MBNL3: variants seen among roughly 807,000 people sequenced by gnomAD.
MBNL3 encodes muscleblind-like protein 3.
In MBNL3, 6 loss-of-function variants were observed where a neutral mutation model predicts 24.5. The ratio of observed to expected loss-of-function variants is 0.25; its 90% confidence interval spans 0.13 to 0.48. MBNL3 has a LOEUF of 0.48. MBNL3 is among the 20% of genes least tolerant of loss of function. The probability of loss-of-function intolerance (pLI) is 0.99; values close to 1 mark genes in which losing one functional copy is unlikely to be tolerated. For synonymous variants in MBNL3, 100 were observed against 101.7 expected (o/e 0.98, Z 0.10); for missense variants, 230 against 293.5 (o/e 0.78, Z 1.58).
intron 3 of MBNL3, among the ~76,000 whole-genome samples, chrX:132,393,794 C>T (rs1408475837): frequency 9.0e-6 from 1 of 110,955 alleles, no homozygotes; most frequent in African/African-American, 3.3e-5. Flanking sequence ...CTTGAAAAAA[C>T]CCCCGAATCT....
At chrX:132,439,335 T>C in intron 2 of MBNL3, 100 bp downstream of exon 2, 1 of 946,674 alleles carries the variant, frequency 1.1e-6, no homozygotes, top group Non-Finnish European at 1.4e-6. Context: ...AATTTATCAC[T>C]TTCATGCTAT....
rs1934126221 is a variant in MBNL3, at chrX:132,376,180, T to TC, written c.*3485_*3486insG. On this transcript the variant is annotated 3_prime_UTR_variant, in exon 9 of 9. Transcript: ENST00000370853. Reference sequence around the variant, plus strand: ...GTGCTTCAGCATGTTCAAAAACGGATGAAAAAAATTGATGGAGTAGAGAGA... The same window carrying TC: ...GTGCTTCAGCATGTTCAAAAACGGATCGAAAAAAATTGATGGAGTAGAGAGA... 9.0e-6 allele frequency: 1 copy of TC among 110,625 alleles called. No homozygotes were observed. The highest frequency in any genetic ancestry group is 9.6e-5 in the Admixed American group (1 of 10,393). The allele number at this position is 110,625 out of a possible 1,213,427, so 9.1% of individuals were successfully genotyped here.
chrX:132,413,078 A>G (rs1335695995), intron 2 of MBNL3, among the ~76,000 whole-genome samples: 1 of 112,561 alleles, frequency 8.9e-6, no homozygotes, highest in African/African-American at 3.2e-5. Flanking sequence ...AGCTCCTTCT[A>G]CATGGACTTC....
chrX:132,398,404 G>A lies in MBNL3; in HGVS notation c.343-6070C>T, dbSNP rs147997146. Among the ~76,000 whole-genome samples the A allele has an allele frequency of 2.5e-4, 28 of 111,388 alleles. No homozygotes were observed. The East Asian group carries it at 7.7e-3, about 30-fold the overall frequency. On this transcript the variant is annotated intron_variant, in intron 3 of 8. Coordinates refer to ENST00000370853, the MANE Select transcript of MBNL3 (RefSeq NM_001386889.1). ...CAGGAATTGACCTAAAAATTTGTTG[G>A]TGACCACCGTGTAATAATAATGGCA...
intron 1 of MBNL3, among the ~76,000 whole-genome samples, chrX:132,447,088 G>A (rs1945766304): frequency 9.0e-6 from 1 of 111,213 alleles, no homozygotes; most frequent in Non-Finnish European, 1.9e-5. Flanking sequence ...TGAGGCCTCT[G>A]TTCTGTTCTG....
At chrX:132,413,704 C>T in intron 2 of MBNL3, 1 of 807,427 alleles carries the variant, frequency 1.2e-6, no homozygotes, top group East Asian at 3.6e-5. Flanking sequence ...CACCTTCCCA[C>T]CCACCGGTGG....
intron 2 of MBNL3, among the ~76,000 whole-genome samples, chrX:132,424,888 G>A (rs746637167): frequency 8.2e-5 from 9 of 109,402 alleles, no homozygotes; most frequent in Non-Finnish European, 1.3e-4. Context: ...GGAGAAATAA[G>A]TGAAACATAT....
intron 2 of MBNL3, among the ~76,000 whole-genome samples, chrX:132,438,400 C>T (rs761317373): frequency 9.9e-5 from 11 of 110,896 alleles, no homozygotes; most frequent in Non-Finnish European, 1.5e-4. Flanking sequence ...AACCATCACA[C>T]GAAGGGATAC....
chrX:132,433,161 G>A (rs1410240663), intron 2 of MBNL3, among the ~76,000 whole-genome samples: 1 of 111,791 alleles, frequency 8.9e-6, no homozygotes, highest in Non-Finnish European at 1.9e-5. Context: ...TAGTCTCAAG[G>A]TCTGAGGTGC....
chrX:132,434,755 G>A (rs1945021149), intron 2 of MBNL3, among the ~76,000 whole-genome samples: 3 of 111,807 alleles, frequency 2.7e-5, no homozygotes, highest in Admixed American at 9.5e-5. Flanking sequence ...GGAAAGACTG[G>A]GAAAGTGTCA....
intron 2 of MBNL3, among the ~76,000 whole-genome samples, chrX:132,410,151 C>A (rs969613538): frequency 4.5e-5 from 5 of 111,824 alleles, no homozygotes; most frequent in Non-Finnish European, 9.4e-5. Context: ...ATAAAGCCTC[C>A]CAAATTCAAT....
chrX:132,450,411 G>T (rs1427003915), intron 1 of MBNL3, among the ~76,000 whole-genome samples: 2 of 111,127 alleles, frequency 1.8e-5, no homozygotes, highest in East Asian at 2.8e-4. Context: ...ATTTCATTAA[G>T]TTGATCTTCA....
intron 8 of MBNL3, among the ~76,000 whole-genome samples, chrX:132,380,376 A>G (rs1311871194): frequency 8.9e-6 from 1 of 112,128 alleles, no homozygotes; most frequent in Non-Finnish European, 1.9e-5. Flanking sequence ...AGTTGCCACT[A>G]TCCCAAATGA....
In MBNL3 at chrX:132,386,685, G is replaced by A. The variant is rs752205588; in HGVS notation, c.898C>T (p.Pro300Ser). The A allele has an allele frequency of 4.1e-6, 5 of 1,208,691 alleles. No homozygotes were observed. Among genetic ancestry groups the A allele is most frequent in the Non-Finnish European group, 5.6e-6 (5 of 895,167 alleles). ...CCTGCAGGGATAAATGCCGGCTGTGGGAGCTGCAGGTTAGTCAGAGCCTGT... is the reference window on the plus strand; with the variant it reads ...CCTGCAGGGATAAATGCCGGCTGTGAGAGCTGCAGGTTAGTCAGAGCCTGT... Reference protein sequence around the residue: ...CQQALTNLQLPQPAFIPAGPI... With the variant: ...CQQALTNLQLSQPAFIPAGPI... The change falls in exon 6 of 9, where the codon CCA becomes TCA. Residue 300 changes from proline (P) to serine (S), a missense_variant. Transcript: ENST00000370853.
chrX:132,413,403 C>T (rs1428438122), intron 2 of MBNL3: 2 of 878,286 alleles, frequency 2.3e-6, no homozygotes, highest in Non-Finnish European at 3.2e-6. Context: ...ATCTGGCAGC[C>T]CTCTCCCGCT....
chrX:132,393,112 T>G (rs1409137702), intron 3 of MBNL3, among the ~76,000 whole-genome samples: 1 of 110,973 alleles, frequency 9.0e-6, no homozygotes, highest in African/African-American at 3.3e-5. Context: ...CCTCAAGCAT[T>G]TATCATTCCT....
At chrX:132,484,872 G>T (rs111863992) in intron 1 of MBNL3, among the ~76,000 whole-genome samples, 211 of 110,636 alleles carry the variant, frequency 1.9e-3, no homozygotes, top group South Asian at 7.4e-3. Context: ...ATGTCAAACT[G>T]AGTCCTATGC....
chrX:132,456,923 T>C (rs1476069056), intron 1 of MBNL3, among the ~76,000 whole-genome samples: 1 of 111,784 alleles, frequency 8.9e-6, no homozygotes, highest in Non-Finnish European at 1.9e-5. Flanking sequence ...CAAAAGAACA[T>C]GTGGTCCAGA....
rs185091304 is a variant in MBNL3 at position 132,396,628 on chromosome X, A to C, written c.343-4294T>G. On this transcript the variant is annotated intron_variant, in intron 3 of 8. Coordinates refer to ENST00000370853, the MANE Select transcript of MBNL3 (RefSeq NM_001386889.1). ...CCTATATATATTCATATATATATTC[A>C]TATATATTCACATATATATATTCAC... Among the ~76,000 whole-genome samples the C allele has an allele frequency of 2.9e-3, 116 of 39,923 alleles. 8 individuals carry two copies. The East Asian group carries it at 0.041, about 14-fold the overall frequency. 34.7% of individuals were successfully genotyped at this position (39,923 alleles called of 115,157 possible).
Sources: gnomAD v4.1 joint callset for allele counts (sites outside exome capture counted in the v4.1 genomes callset) on GRCh38, gnomAD v4.1.1 for gene constraint, MANE v1.5 for transcripts, NCBI Gene and HGNC (gene_info 2026-07-23, HGNC 2026-07-21) for gene names.